SPIDR: variants seen among roughly 807,000 people sequenced by gnomAD.
SPIDR encodes scaffold protein involved in DNA repair, also known as DNA repair-scaffolding protein.
A neutral mutation model predicts 104.6 loss-of-function variants in SPIDR; 93 were observed. That is an observed-to-expected ratio of 0.89 (90% confidence interval 0.75 to 1.06). The LOEUF (loss-of-function observed/expected upper bound fraction) is 1.06. Among genes scored for constraint, SPIDR ranks in the 50% least tolerant of loss-of-function variants. The probability of loss-of-function intolerance (pLI) is 0.00; values close to 1 mark genes in which losing one functional copy is unlikely to be tolerated. For missense variants in SPIDR, 1,154 were observed against 1,111.2 expected (o/e 1.04, Z -0.55); for synonymous variants, 431 against 416.9 (o/e 1.03, Z -0.41).
At chr8:47,710,346 T>A (rs1563624709) in intron 14 of SPIDR, among the ~76,000 whole-genome samples, 1 of 152,142 alleles carries the variant, frequency 6.6e-6, no homozygotes, top group Non-Finnish European at 1.5e-5. Context: ...ATTAATAGAT[T>A]GAAAGAGAGA....
intron 11 of SPIDR, among the ~76,000 whole-genome samples, chr8:47,697,594 G>C (rs558716495): frequency 6.6e-6 from 1 of 152,216 alleles, no homozygotes; most frequent in African/African-American, 2.4e-5. Context: ...GAGCAGCTGC[G>C]TGTTCTGCAG....
At chr8:47,609,155 C>G (rs1026016283) in intron 10 of SPIDR, among the ~76,000 whole-genome samples, 7 of 152,190 alleles carry the variant, frequency 4.6e-5, no homozygotes, top group African/African-American at 1.7e-4. Flanking sequence ...TGTATAAGTC[C>G]TTTATCATTT....
chr8:47,551,306 CCT>C lies in SPIDR; in HGVS notation c.1098-44502_1098-44501del, dbSNP rs577750822. Among the ~76,000 whole-genome samples, 420 of 152,214 alleles carry C rather than the reference CCT, an allele frequency of 2.8e-3. 1 individual carries two copies. Among genetic ancestry groups the C allele is most frequent in the African/African-American group, 9.9e-3 (410 of 41,500 alleles). Reference sequence around the variant, plus strand: ...TCATAATATGAGTTAGGGAGGATTCCCTCTTTTTCTATTGATGTGAATAGTTT... The same window carrying C: ...TCATAATATGAGTTAGGGAGGATTCCCTTTTTCTATTGATGTGAATAGTTT... On this transcript the variant is annotated intron_variant, in intron 8 of 19. Transcript: ENST00000297423.
intron 5 of SPIDR, among the ~76,000 whole-genome samples, chr8:47,304,590 T>C (rs1554580454): frequency 0.045 from 6,792 of 152,150 alleles, 465 homozygotes; most frequent in African/African-American, 0.15. Flanking sequence ...AGTGTCTGCT[T>C]CCTCCTCCCC....
chr8:47,599,004 C>G lies in SPIDR; in HGVS notation c.1352C>G (p.Ala451Gly). ...GTAWTHGHKE[A>G]KQRIPTSTPL... ...GCCTGGACCCATGGGCACAAAGAAG[C>G]AAAACAGCGCATCCCAACCAGCACT... The change falls in exon 10 of 20, where the codon GCA (alanine) becomes GGA (glycine). Residue 451 changes from alanine (A) to glycine (G), a missense_variant. Transcript: ENST00000297423. 1 of 1,613,700 alleles carries G rather than the reference C, an allele frequency of 6.2e-7. No individual in the cohort carries two copies. Among genetic ancestry groups the G allele is most frequent in the Non-Finnish European group, 8.5e-7 (1 of 1,179,788 alleles).
In SPIDR at chr8:47,311,527, A is replaced by C. The variant is rs186766756; in HGVS notation, c.525+17497A>C. On this transcript the variant is annotated intron_variant, in intron 5 of 19. Coordinates refer to ENST00000297423, the MANE Select transcript of SPIDR (RefSeq NM_001080394.4). ...AGTGAAGCTGTTGAAAATAATAGAC[A>C]AAAAATCCTGCCTAGTTGCAGTGGC... Among the ~76,000 whole-genome samples the C allele has an allele frequency of 7.5e-3, 1,146 of 152,294 alleles. 13 individuals are homozygous for C. The highest frequency in any genetic ancestry group is 0.026 in the African/African-American group (1,099 of 41,562).
chr8:47,400,132 A>G (rs1478920926), intron 6 of SPIDR, among the ~76,000 whole-genome samples: 1 of 152,202 alleles, frequency 6.6e-6, no homozygotes, highest in African/African-American at 2.4e-5. Context: ...AAGGGAGGCT[A>G]CCAGATGGTC....
intron 8 of SPIDR, among the ~76,000 whole-genome samples, chr8:47,495,402 G>C (rs971139333): frequency 1.3e-5 from 2 of 150,192 alleles, no homozygotes; most frequent in African/African-American, 2.5e-5. Flanking sequence ...AAAAAAAAAA[G>C]ATATAATTAA....
At chr8:47,318,344 G>T (rs1284970596) in intron 5 of SPIDR, among the ~76,000 whole-genome samples, 1 of 151,910 alleles carries the variant, frequency 6.6e-6, no homozygotes, top group Admixed American at 6.6e-5. Context: ...AAGGGTATCA[G>T]TGATGGAAGA....
intron 1 of SPIDR, among the ~76,000 whole-genome samples, chr8:47,266,920 G>A (rs1314762955): frequency 6.6e-6 from 1 of 152,020 alleles, no homozygotes; most frequent in Non-Finnish European, 1.5e-5. Context: ...TCATCCATTG[G>A]CAACCACTAA....
chr8:47,710,999 A>G (rs1480530313), intron 14 of SPIDR, among the ~76,000 whole-genome samples: 1 of 151,592 alleles, frequency 6.6e-6, no homozygotes, highest in Admixed American at 6.6e-5. Flanking sequence ...GCTGGGCTCA[A>G]GTAATCCTCC....
intron 8 of SPIDR, among the ~76,000 whole-genome samples, chr8:47,499,071 A>G (rs2079908281): frequency 6.6e-6 from 1 of 152,184 alleles, no homozygotes. Flanking sequence ...AGCAAAAGAA[A>G]CCATAAAAAC....
At chr8:47,319,059 ACAT>A (rs1443640219) in intron 5 of SPIDR, among the ~76,000 whole-genome samples, 2 of 151,908 alleles carry the variant, frequency 1.3e-5, no homozygotes, top group African/African-American at 4.8e-5. Flanking sequence ...TAACCAGCTA[ACAT>A]CATAATGACA....
At chr8:47,294,706 C>G (rs1463292331) in intron 5 of SPIDR, among the ~76,000 whole-genome samples, 2 of 152,322 alleles carry the variant, frequency 1.3e-5, no homozygotes, top group Non-Finnish European at 2.9e-5. Flanking sequence ...TCGTAGCTCA[C>G]TGTAGCCTTG....
intron 8 of SPIDR, among the ~76,000 whole-genome samples, chr8:47,461,535 C>T (rs191908597): frequency 7.2e-5 from 11 of 152,342 alleles, no homozygotes; most frequent in Admixed American, 3.3e-4. Flanking sequence ...TGGTCTCGAT[C>T]TCTTGACCTC....
At chr8:47,514,599 T>C (rs2082840872) in intron 8 of SPIDR, among the ~76,000 whole-genome samples, 1 of 152,176 alleles carries the variant, frequency 6.6e-6, no homozygotes, top group Non-Finnish European at 1.5e-5. Context: ...GAAGTGGTTT[T>C]TTGGATGTGA....
At chr8:47,600,183 T>C (rs2062086786) in intron 10 of SPIDR, among the ~76,000 whole-genome samples, 1 of 152,208 alleles carries the variant, frequency 6.6e-6, no homozygotes, top group Admixed American at 6.5e-5. Context: ...GTTTAACTAT[T>C]AATAAGAAAA....
At chr8:47,446,738 C>T (rs956868322) in intron 8 of SPIDR, among the ~76,000 whole-genome samples, 1 of 152,048 alleles carries the variant, frequency 6.6e-6, no homozygotes, top group African/African-American at 2.4e-5. Flanking sequence ...AGGTGTGCGC[C>T]ACCACGCCTG....
At chr8:47,293,225 C>T (rs374756658) in intron 4 of SPIDR, among the ~76,000 whole-genome samples, 3 of 151,498 alleles carry the variant, frequency 2.0e-5, no homozygotes, top group Non-Finnish European at 4.4e-5. Context: ...CTCCTGGGCT[C>T]GAGCGATCCT....
Sources: gnomAD v4.1 joint callset for allele counts (sites outside exome capture counted in the v4.1 genomes callset) on GRCh38, gnomAD v4.1.1 for gene constraint, MANE v1.5 for transcripts, NCBI Gene and HGNC (gene_info 2026-07-23, HGNC 2026-07-21) for gene names.